RAB11FIP3: variants seen among roughly 807,000 people sequenced by gnomAD.
RAB11FIP3 encodes RAB11 family interacting protein 3.
Under a neutral mutation model 77.8 loss-of-function variants are expected in RAB11FIP3, and 17 were observed. That is an observed-to-expected ratio of 0.22 (90% CI 0.15 to 0.33). The LOEUF (loss-of-function observed/expected upper bound fraction) is 0.33. Ranked by LOEUF, RAB11FIP3 falls within the 10% of genes least tolerant of loss-of-function variation. RAB11FIP3 has a pLI of 1.00. For synonymous variants in RAB11FIP3, 437 were observed against 448.2 expected (o/e 0.98, Z 0.31); for missense variants, 1,005 against 1,011.2 (o/e 0.99, Z 0.08).
intron 1 of RAB11FIP3, among the ~76,000 whole-genome samples, chr16:427,270 T>G (rs2141832412): frequency 6.6e-6 from 1 of 152,358 alleles, no homozygotes; most frequent in African/African-American, 2.4e-5. Context: ...TGGGAGACAG[T>G]CAATGCTTGT....
chr16:504,123 A>C (rs1320794660), intron 7 of RAB11FIP3, among the ~76,000 whole-genome samples: 6 of 12,102 alleles, frequency 5.0e-4, no homozygotes, highest in African/African-American at 7.1e-4. Context: ...CTCCTCCTGT[A>C]CCCCCCCACC....
At chr16:473,856 T>TC (rs2055852933) in intron 3 of RAB11FIP3, among the ~76,000 whole-genome samples, 1 of 152,028 alleles carries the variant, frequency 6.6e-6, no homozygotes. Flanking sequence ...TGCCGGCTCA[T>TC]CCCTCACACC....
In RAB11FIP3 at chr16:448,324, C is replaced by G. The variant is rs561521473; in HGVS notation, c.715-13080C>G. Reference sequence around the variant, plus strand: ...GAGGGAAACTGTCTCAAAAAAATAGCCGGGCGCAGTGGCTCATGCCTGTAA... The same window carrying G: ...GAGGGAAACTGTCTCAAAAAAATAGGCGGGCGCAGTGGCTCATGCCTGTAA... On this transcript the variant is annotated intron_variant, in intron 1 of 13. Coordinates refer to ENST00000262305, the MANE Select transcript of RAB11FIP3 (RefSeq NM_014700.4). 1.6e-3 allele frequency among the ~76,000 whole-genome samples: 245 copies of G among 150,970 alleles called. 2 individuals are homozygous for G. Among genetic ancestry groups the G allele is most frequent in the African/African-American group, 5.7e-3 (233 of 41,100 alleles).
chr16:508,313 A>G (rs912238623), intron 8 of RAB11FIP3, among the ~76,000 whole-genome samples: 4 of 152,170 alleles, frequency 2.6e-5, no homozygotes, highest in African/African-American at 9.7e-5. Flanking sequence ...TACTTGGAGG[A>G]GGATCTTGTA....
intron 9 of RAB11FIP3, among the ~76,000 whole-genome samples, chr16:515,767 G>A (rs1320435308): frequency 2.0e-5 from 3 of 152,112 alleles, no homozygotes; most frequent in Non-Finnish European, 4.4e-5. Context: ...ACAGCCACAC[G>A]GCCGACACGG....
intron 2 of RAB11FIP3, among the ~76,000 whole-genome samples, chr16:462,657 G>A (rs76151792): frequency 1.8e-5 from 1 of 54,510 alleles, no homozygotes; most frequent in Non-Finnish European, 3.9e-5. Context: ...CATCCCTTCC[G>A]CAGCACCGTC....
chr16:487,592 G>T (rs2056182931), intron 4 of RAB11FIP3, among the ~76,000 whole-genome samples: 1 of 152,214 alleles, frequency 6.6e-6, no homozygotes, highest in Non-Finnish European at 1.5e-5. Context: ...CTTCTCCTGG[G>T]CACGAGGAGT....
chr16:470,947 A>G (rs2055796687), intron 2 of RAB11FIP3, among the ~76,000 whole-genome samples: 1 of 150,686 alleles, frequency 6.6e-6, no homozygotes, highest in Non-Finnish European at 1.5e-5. Flanking sequence ...TTTAAAGGCC[A>G]TGGACAGTTT....
At chr16:480,249 C>T (rs2056008330) in intron 3 of RAB11FIP3, among the ~76,000 whole-genome samples, 2 of 128,096 alleles carry the variant, frequency 1.6e-5, no homozygotes, top group Non-Finnish European at 1.6e-5. Flanking sequence ...TGCACCACTG[C>T]ACTCCAGCCT....
At chr16:502,696 GT>G in intron 6 of RAB11FIP3, 1 of 463,730 alleles carries the variant, frequency 2.2e-6, no homozygotes, top group Non-Finnish European at 3.8e-6. Flanking sequence ...CAAGTACAAA[GT>G]CCTCTCTGCC....
chr16:519,871 G>C lies in RAB11FIP3; in HGVS notation c.1840G>C (p.Asp614His). 1 of 1,593,348 alleles carries C rather than the reference G, an allele frequency of 6.3e-7. No homozygotes were observed. ...LSHERHQFQR[D>H]KEATQELIED... is the part of the protein sequence containing the mutation. Reference sequence around the variant, plus strand: ...TCACGAGAGGCACCAGTTCCAGAGGGACAAGGAGGCCACCCAGGAGGTGAG... The same window carrying C: ...TCACGAGAGGCACCAGTTCCAGAGGCACAAGGAGGCCACCCAGGAGGTGAG... The change falls in exon 11 of 14, where the codon GAC (aspartate) becomes CAC (histidine). Residue 614 changes from aspartate (D) to histidine (H), a missense_variant. Asp to His is a moderately conservative substitution (Grantham distance 81, BLOSUM62 -1). Around this residue, in one of 4 missense-constraint regions of RAB11FIP3, gnomAD observed 433 missense variants for 436.1 expected, o/e 0.99. Coordinates refer to ENST00000262305, the MANE Select transcript of RAB11FIP3 (RefSeq NM_014700.4).
chr16:464,054 C>T (rs1403796073), intron 2 of RAB11FIP3, among the ~76,000 whole-genome samples: 3 of 152,156 alleles, frequency 2.0e-5, no homozygotes, highest in Non-Finnish European at 2.9e-5. Context: ...GCGAGGGGCC[C>T]AGGACGAGGA....
At chr16:446,104 T>G (rs532867136) in intron 1 of RAB11FIP3, among the ~76,000 whole-genome samples, 1 of 152,098 alleles carries the variant, frequency 6.6e-6, no homozygotes, top group East Asian at 1.9e-4. Context: ...TCACCCTGGG[T>G]GCTGGGCATG....
intron 9 of RAB11FIP3, among the ~76,000 whole-genome samples, chr16:516,720 T>C (rs1161997918): frequency 2.0e-5 from 3 of 149,718 alleles, no homozygotes; most frequent in African/African-American, 7.4e-5. Context: ...CTACTGAAAA[T>C]ACAAAAATTA....
At position 426,526 on chromosome 16, in the gene RAB11FIP3, C is replaced by G. The variant is rs2054946724; in HGVS notation, c.520C>G (p.Leu174Val). 5 of 1,560,128 alleles carry G rather than the reference C, an allele frequency of 3.2e-6. No individual in the cohort carries two copies. The African/African-American group carries it at 6.8e-5, about 21-fold the overall frequency. Residue 174 changes from leucine to valine, a missense_variant, in exon 1 of 14, where the codon CTG (leucine) becomes GTG (valine). By Grantham distance (32) the Leu-to-Val change is conservative. Coordinates refer to ENST00000262305, the MANE Select transcript of RAB11FIP3 (RefSeq NM_014700.4). The surrounding 1 kb of genome is among the most constrained non-coding windows in gnomAD (Gnocchi z 5.0). The part of the protein sequence containing the change: ...FPAPTAGELA[L>V]EQGPGSPPQP... ...CGCGCCCACGGCGGGCGAGCTGGCG[C>G]TGGAGCAAGGTCCCGGGTCCCCGCC...
In RAB11FIP3 at chr16:461,637, C is replaced by T. The variant is rs912746304; in HGVS notation, c.808+140C>T. 4 of 634,222 alleles carry T rather than the reference C, an allele frequency of 6.3e-6. No homozygotes were observed. The highest frequency in any genetic ancestry group is 4.4e-4 in the Middle Eastern group (1 of 2,282). 39.3% of individuals were successfully genotyped at this position (634,222 alleles called of 1,614,324 possible). A position where few individuals can be genotyped will look rare whatever the true frequency, so the allele number is the denominator to read the frequency against. Reference sequence around the variant, plus strand: ...GAAGCCCCCAACATACCCCAGGTTTCCAGGTGGTCTCTTTCCTTTCTTGTT... The same window carrying T: ...GAAGCCCCCAACATACCCCAGGTTTTCAGGTGGTCTCTTTCCTTTCTTGTT... On this transcript the variant is annotated intron_variant, in intron 2 of 13. Transcript: ENST00000262305. The surrounding 1 kb of genome is among the most constrained non-coding windows in gnomAD (Gnocchi z 4.5).
chr16:477,756 C>T, intron 3 of RAB11FIP3: 2 of 806,090 alleles, frequency 2.5e-6, no homozygotes, highest in Non-Finnish European at 1.5e-6. Context: ...TGAATTACTT[C>T]CTTAGATTGT....
At position 510,275 on chromosome 16, in the gene RAB11FIP3, G is replaced by A. The variant is rs540273459; in HGVS notation, c.1500-385G>A. ...GGCTCCGTGCCTCTGGGCTCTGAGC[G>A]CACGCGTTGTGTGTAGTGGCTGCAG... On this transcript the variant is annotated intron_variant, in intron 8 of 13. Transcript: ENST00000262305. 1.2e-3 allele frequency among the ~76,000 whole-genome samples: 177 copies of A among 151,872 alleles called. 1 individual carries two copies. The highest frequency in any genetic ancestry group is 2.7e-3 in the African/African-American group (112 of 41,124).
At chr16:447,163 A>C (rs2055330894) in intron 1 of RAB11FIP3, among the ~76,000 whole-genome samples, 1 of 151,004 alleles carries the variant, frequency 6.6e-6, no homozygotes, top group South Asian at 2.1e-4. Context: ...AAATTAGCCA[A>C]GTGTGATGGT....
Sources: gnomAD v4.1 joint callset for allele counts (sites outside exome capture counted in the v4.1 genomes callset) on GRCh38, gnomAD v4.1.1 for gene constraint, gnomAD v4.1.1 regional missense constraint, Gnocchi (gnomAD v3.1) non-coding constraint, MANE v1.5 for transcripts, NCBI Gene and HGNC (gene_info 2026-07-23, HGNC 2026-07-21) for gene names.